The following IGSF5 variants were observed in gnomAD, a reference collection of about 807,000 sequenced individuals.
IGSF5 encodes immunoglobulin superfamily member 5.
In IGSF5, 41 loss-of-function variants were observed where a neutral mutation model predicts 39.4. The ratio of observed to expected loss-of-function variants is 1.04; its 90% confidence interval spans 0.81 to 1.35. IGSF5 has a LOEUF of 1.35. Ranked by LOEUF, IGSF5 falls within the 40% of genes most tolerant of loss-of-function variation. The pLI, the probability that IGSF5 is intolerant of heterozygous loss-of-function variation, is 0.00. For missense variants in IGSF5, 487 were observed against 494.6 expected, an observed-to-expected ratio of 0.98 and a Z score of 0.15; for synonymous variants, 183 against 175.3, an observed-to-expected ratio of 1.04 and a Z score of -0.34.
intron 2 of IGSF5, among the ~76,000 whole-genome samples, chr21:39,762,534 G>T (rs2080066322): frequency 6.6e-6 from 1 of 152,182 alleles, no homozygotes; most frequent in Non-Finnish European, 1.5e-5. Context: ...TGCAGGCACA[G>T]AGAGAATAGA....
At chr21:39,725,504 A>G in the IGSF5 span, among the ~76,000 whole-genome samples, 1 of 152,214 alleles carries the variant, frequency 6.6e-6, no homozygotes, top group Non-Finnish European at 1.5e-5. Flanking sequence ...TTAAAACAAA[A>G]GGGCTACGGA....
At chr21:39,736,857 C>A in the IGSF5 span, among the ~76,000 whole-genome samples, 1 of 152,190 alleles carries the variant, frequency 6.6e-6, no homozygotes, top group African/African-American at 2.4e-5. Flanking sequence ...CAGATGGGAT[C>A]AGTGCTTTGC....
chr21:39,719,381 G>A, the IGSF5 span, among the ~76,000 whole-genome samples: 1 of 152,016 alleles, frequency 6.6e-6, no homozygotes, highest in African/African-American at 2.4e-5. Context: ...ACCAGTATCT[G>A]ATACATGATA....
upstream of IGSF5, among the ~76,000 whole-genome samples, chr21:39,742,801 C>T (rs752958521): frequency 1.3e-5 from 2 of 151,902 alleles, no homozygotes; most frequent in African/African-American, 4.8e-5. Flanking sequence ...TCCTGTTTGT[C>T]CTGTTCTGCC....
At chr21:39,748,337 G>GTCTC (rs145651882) in intron 2 of IGSF5, among the ~76,000 whole-genome samples, 3 of 67,278 alleles carry the variant, frequency 4.5e-5, no homozygotes, top group Middle Eastern at 0.014. Context: ...TTGAGACAGC[G>GTCTC]TCTCTCTCTG....
intron 4 of IGSF5, among the ~76,000 whole-genome samples, chr21:39,775,163 A>G (rs2080133556): frequency 6.6e-6 from 1 of 152,130 alleles, no homozygotes; most frequent in Non-Finnish European, 1.5e-5. Flanking sequence ...TCTAAGGCCT[A>G]GCCTTCCCCT....
chr21:39,766,321 C>T (rs555511505), intron 3 of IGSF5, among the ~76,000 whole-genome samples: 3 of 152,168 alleles, frequency 2.0e-5, no homozygotes, highest in South Asian at 2.1e-4. Flanking sequence ...TTTCTGGAAA[C>T]GTATCCTGGA....
intron 5 of IGSF5, among the ~76,000 whole-genome samples, chr21:39,786,693 G>A (rs1411911599): frequency 1.3e-5 from 2 of 152,088 alleles, no homozygotes; most frequent in Non-Finnish European, 2.9e-5. Context: ...CAATAGCAAA[G>A]ACTTGGAACC....
chr21:39,762,881 C>A (rs533302399), intron 2 of IGSF5, among the ~76,000 whole-genome samples: 3 of 151,886 alleles, frequency 2.0e-5, no homozygotes, highest in Admixed American at 1.3e-4. Context: ...TAGTGACAAC[C>A]ATAGCTAGTG....
chr21:39,771,901 A>C (rs1429432229), intron 4 of IGSF5, among the ~76,000 whole-genome samples: 2 of 152,194 alleles, frequency 1.3e-5, no homozygotes, highest in Admixed American at 6.5e-5. Flanking sequence ...TTTTACAAAA[A>C]AGGAAGTGAG....
the IGSF5 span, among the ~76,000 whole-genome samples, chr21:39,723,393 C>A: frequency 6.6e-6 from 1 of 152,196 alleles, no homozygotes; most frequent in South Asian, 2.1e-4. Flanking sequence ...TAGAGAGATT[C>A]TGCTAGCAAG....
At chr21:39,715,399 A>G in the IGSF5 span, among the ~76,000 whole-genome samples, 16,789 of 152,188 alleles carry the variant, frequency 0.11, 1,267 homozygotes, top group East Asian at 0.22. Flanking sequence ...GATTGTGGGT[A>G]TGAGCCACCA....
At chr21:39,724,863 A>G in the IGSF5 span, among the ~76,000 whole-genome samples, 3 of 152,206 alleles carry the variant, frequency 2.0e-5, no homozygotes, top group East Asian at 1.9e-4. Context: ...AGGCCTGTAC[A>G]TCTCAACTTC....
At chr21:39,726,342 A>T in the IGSF5 span, among the ~76,000 whole-genome samples, 4 of 152,280 alleles carry the variant, frequency 2.6e-5, no homozygotes, top group East Asian at 5.8e-4. Flanking sequence ...CTGGGAGAAG[A>T]AAGATTGGAA....
At chr21:39,728,419 T>C in the IGSF5 span, among the ~76,000 whole-genome samples, 1 of 152,170 alleles carries the variant, frequency 6.6e-6, no homozygotes, top group Non-Finnish European at 1.5e-5. Context: ...TGACAACAAA[T>C]ACCTGAGCCA....
At chr21:39,796,423 G>A (rs1260772858) in intron 8 of IGSF5, among the ~76,000 whole-genome samples, 1 of 152,208 alleles carries the variant, frequency 6.6e-6, no homozygotes, top group Non-Finnish European at 1.5e-5. Flanking sequence ...TCCAAGGTGT[G>A]AAAACAATGC....
chr21:39,726,958 G>A, the IGSF5 span, among the ~76,000 whole-genome samples: 6 of 152,290 alleles, frequency 3.9e-5, no homozygotes, highest in East Asian at 1.2e-3. Context: ...GGCCATTGAT[G>A]GCTCAGCAAA....
rs200104584 is a variant in IGSF5 at position 39,801,355 on chromosome 21, T to C, written c.1222T>C (p.Ter408GlnextTer37). ...GAAGGTCAGTAATACAACTGTAGTA[T>C]AGCAAAGCCTTCCCCAAGCTCCACT... The part of the protein sequence containing the change: ...PEKVSNTTVV[*>Q] Residue 408 changes from the stop codon to glutamine (Q), a stop_lost, in exon 9 of 9, where the codon TAG (stop) becomes CAG (glutamine). Coordinates refer to ENST00000380588, the MANE Select transcript of IGSF5 (RefSeq NM_001080444.2). The C allele has an allele frequency of 8.7e-5, 140 of 1,608,730 alleles. No individual in the cohort carries two copies. Among genetic ancestry groups the C allele is most frequent in the Middle Eastern group, 1.6e-4 (1 of 6,078 alleles).
the IGSF5 span, chr21:39,725,751 C>A: frequency 2.0e-5 from 3 of 152,266 alleles, no homozygotes; most frequent in Admixed American, 6.5e-5. Flanking sequence ...AAAACTAGCA[C>A]ATCATGCTCA....
Sources: gnomAD v4.1 joint callset for allele counts (sites outside exome capture counted in the v4.1 genomes callset) on GRCh38, gnomAD v4.1.1 for gene constraint, MANE v1.5 for transcripts, NCBI Gene and HGNC (gene_info 2026-07-23, HGNC 2026-07-21) for gene names.